Variants in BBOF1 observed in about 807,000 individuals in gnomAD.
The protein encoded by BBOF1 is basal body-orientation factor 1.
Under a neutral mutation model 68.0 loss-of-function variants are expected in BBOF1, and 62 were observed. The observed-to-expected ratio is 0.91, with a 90% CI of 0.74 to 1.13. BBOF1 has a LOEUF of 1.13. Among genes scored for constraint, BBOF1 ranks in the 50% most tolerant of loss-of-function variants. The probability of loss-of-function intolerance (pLI) is 0.00; values close to 1 mark genes in which losing one functional copy is unlikely to be tolerated. For synonymous variants in BBOF1, 208 were observed against 198.8 expected, an observed-to-expected ratio of 1.05 and a Z score of -0.39; for missense variants, 534 against 600.1, an observed-to-expected ratio of 0.89 and a Z score of 1.15.
At chr14:74,067,156 A>T (rs1041002660), downstream of BBOF1, among the ~76,000 whole-genome samples, 1 of 152,164 alleles carries the variant, frequency 6.6e-6, no homozygotes, top group African/African-American at 2.4e-5. Flanking sequence ...TGAGGCTGCC[A>T]TGAGCTAGGA....
intron 11 of BBOF1, among the ~76,000 whole-genome samples, chr14:74,062,032 G>A (rs1381919010): frequency 8.4e-6 from 1 of 118,890 alleles, no homozygotes; most frequent in Admixed American, 1.1e-4. Context: ...CCAACATGGC[G>A]AAACCTCGTC....
At chr14:74,071,354 T>C in intron 9 of BBOF1, 1 of 1,614,042 alleles carries the variant, frequency 6.2e-7, no homozygotes, top group Non-Finnish European at 8.5e-7. Context: ...CAAAGGGGGA[T>C]CATGGCAGGA....
exon 12 of BBOF1, chr14:74,081,252 C>G (rs1215779123): frequency 2.0e-5 from 3 of 152,258 alleles, no homozygotes; most frequent in Admixed American, 2.0e-4. Context: ...GTCCCCAGCC[C>G]CTAGCACAAT....
intron 3 of BBOF1, among the ~76,000 whole-genome samples, 153 bp downstream of exon 3, chr14:74,029,402 G>A (rs946785655): frequency 6.6e-6 from 1 of 152,142 alleles, no homozygotes; most frequent in Non-Finnish European, 1.5e-5. Context: ...AAAAAACCAG[G>A]CTGGGCATGA....
chr14:74,027,448 A>T (rs1158366484), intron 2 of BBOF1, among the ~76,000 whole-genome samples: 1 of 123,122 alleles, frequency 8.1e-6, no homozygotes, highest in Non-Finnish European at 1.6e-5. Context: ...CCAAGGAGTG[A>T]TGGAGTTAGA....
downstream of BBOF1, among the ~76,000 whole-genome samples, chr14:74,069,702 G>C (rs746606583): frequency 6.6e-6 from 1 of 151,946 alleles, no homozygotes; most frequent in Non-Finnish European, 1.5e-5. Context: ...GCAGCGAGCC[G>C]AGATTGTGCC....
rs751918678 is a variant in BBOF1 at position 74,019,468 on chromosome 14, G to A, written c.-11G>A. ...GGCAACTACGACAGCGGAGCCCCTGGGGAAGCCAAGATGCCGTCGAAGGGA... is the reference window on the plus strand; with the variant it reads ...GGCAACTACGACAGCGGAGCCCCTGAGGAAGCCAAGATGCCGTCGAAGGGA... On this transcript the variant is annotated 5_prime_UTR_variant, in exon 1 of 12. Coordinates refer to ENST00000394009, the MANE Select transcript of BBOF1 (RefSeq NM_025057.3). The A allele has an allele frequency of 6.2e-7, 1 of 1,601,870 alleles. No individual in the cohort carries two copies. Among genetic ancestry groups the A allele is most frequent in the Non-Finnish European group, 8.5e-7 (1 of 1,174,314 alleles).
chr14:74,063,025 C>A (rs1340716824), intron 11 of BBOF1, among the ~76,000 whole-genome samples: 1 of 152,078 alleles, frequency 6.6e-6, no homozygotes, highest in Non-Finnish European at 1.5e-5. Flanking sequence ...GCTTAAAGAG[C>A]CCTACATGAC....
chr14:74,047,147 A>G (rs749034443), intron 6 of BBOF1, among the ~76,000 whole-genome samples: 2 of 152,208 alleles, frequency 1.3e-5, no homozygotes, highest in African/African-American at 4.8e-5. Context: ...AATAGTAGCA[A>G]TCTTGCAGGG....
intron 4 of BBOF1, among the ~76,000 whole-genome samples, chr14:74,034,673 A>T (rs1253379347): frequency 6.6e-6 from 1 of 152,166 alleles, no homozygotes; most frequent in Non-Finnish European, 1.5e-5. Flanking sequence ...TACATTACTG[A>T]TAATTCAATA....
chr14:74,065,625 A>AC lies in BBOF1; in HGVS notation c.*929dup. On this transcript the variant is annotated 3_prime_UTR_variant, in exon 12 of 12. Coordinates refer to ENST00000394009, the MANE Select transcript of BBOF1 (RefSeq NM_025057.3). ...TAAGGGACTGTATCTTTAGTTCATG[A>AC]CCCATCATCAGCTGCCTTTTTAATA... 2.3e-6 allele frequency: 1 copy of AC among 428,078 alleles called. No individual in the cohort carries two copies. The highest frequency in any genetic ancestry group is 3.8e-5 in the Admixed American group (1 of 26,322). The allele number at this position is 428,078 out of a possible 1,614,324, so 26.5% of individuals were successfully genotyped here. A position where few individuals can be genotyped will look rare whatever the true frequency, so the allele number is the denominator to read the frequency against.
chr14:74,075,065 A>T, intron 9 of BBOF1: 1 of 1,582,560 alleles, frequency 6.3e-7, no homozygotes, highest in Non-Finnish European at 8.7e-7. Flanking sequence ...GCAGAAAGTT[A>T]TTTAAAATTT....
At chr14:74,067,305 A>T, downstream of BBOF1, 1 of 1,522,184 alleles carries the variant, frequency 6.6e-7, no homozygotes, top group Non-Finnish European at 9.1e-7. Flanking sequence ...CCCACTGGCC[A>T]AGGCCAGTGA....
At chr14:74,050,714 C>T (rs375014209) in intron 8 of BBOF1, among the ~76,000 whole-genome samples, 25 of 151,778 alleles carry the variant, frequency 1.6e-4, no homozygotes, top group East Asian at 1.9e-4. Context: ...ATTTTTGATA[C>T]GCATACTTTC....
intron 7 of BBOF1, chr14:74,048,292 T>C (rs2059994543): frequency 2.3e-6 from 1 of 435,440 alleles, no homozygotes; most frequent in Admixed American, 4.0e-5. Context: ...ATCAGAAACA[T>C]AAATATGACC....
chr14:74,071,706 C>A, intron 9 of BBOF1: 3 of 1,477,246 alleles, frequency 2.0e-6, no homozygotes, highest in South Asian at 2.5e-5. Flanking sequence ...ACTGGAAGAT[C>A]ATTTGAGTAA....
intron 4 of BBOF1, among the ~76,000 whole-genome samples, chr14:74,039,487 G>A (rs2141029053): frequency 6.6e-6 from 1 of 152,218 alleles, no homozygotes; most frequent in Admixed American, 6.5e-5. Flanking sequence ...GGAGTGCAAT[G>A]ATGCAATCTC....
At chr14:74,081,231 T>A (rs944214597) in exon 12 of BBOF1, 1 of 152,216 alleles carries the variant, frequency 6.6e-6, no homozygotes, top group Non-Finnish European at 1.5e-5. Context: ...TTGAGGTCAC[T>A]AGATTGTTGT....
At chr14:74,057,868 C>T in intron 11 of BBOF1, 3 of 1,033,550 alleles carry the variant, frequency 2.9e-6, no homozygotes, top group South Asian at 6.8e-5. Context: ...TGAGTTGTTT[C>T]TAATTAGAGC....
Sources: allele counts gnomAD v4.1 joint callset (sites outside exome capture counted in the v4.1 genomes callset), GRCh38; gene constraint gnomAD v4.1.1; transcripts MANE v1.5; gene names NCBI Gene and HGNC (gene_info 2026-07-23, HGNC 2026-07-21).